TPO: variants seen among roughly 807,000 people sequenced by gnomAD.
TPO encodes thyroid microsomal antigen.
A neutral mutation model predicts 96.9 loss-of-function variants in TPO; 78 were observed. That is an observed-to-expected ratio of 0.81 (90% CI 0.67 to 0.97). TPO has a LOEUF of 0.97. Ranked by LOEUF, TPO falls within the 50% of genes least tolerant of loss-of-function variation. The probability of loss-of-function intolerance (pLI) is 0.00; values close to 1 mark genes in which losing one functional copy is unlikely to be tolerated. For synonymous variants in TPO, 547 were observed against 538.0 expected (o/e 1.02, Z -0.23); for missense variants, 1,252 against 1,274.8 (o/e 0.98, Z 0.27).
At chr2:1,410,075 G>A (rs916545266), upstream of TPO, among the ~76,000 whole-genome samples, 2 of 152,098 alleles carry the variant, frequency 1.3e-5, no homozygotes, top group South Asian at 4.1e-4. Flanking sequence ...CTAATGTATA[G>A]CTTGATGACT....
intron 7 of TPO, among the ~76,000 whole-genome samples, chr2:1,462,373 A>G (rs1159067362): frequency 6.6e-6 from 1 of 152,192 alleles, no homozygotes; most frequent in Non-Finnish European, 1.5e-5. Flanking sequence ...GGACGACTTG[A>G]AAATATGGAA....
chr2:1,518,197 A>C (rs2125082517), intron 15 of TPO, among the ~76,000 whole-genome samples: 1 of 152,298 alleles, frequency 6.6e-6, no homozygotes, highest in Non-Finnish European at 1.5e-5. Context: ...CTTCCCAATA[A>C]TAGAAACTCA....
At chr2:1,536,895 C>T (rs1573653877) in intron 15 of TPO, among the ~76,000 whole-genome samples, 1 of 137,874 alleles carries the variant, frequency 7.3e-6, no homozygotes, top group Non-Finnish European at 1.5e-5. Context: ...GTGCAACCTC[C>T]CCAAATCCCA....
chr2:1,433,743 C>CAT, intron 4 of TPO, 136 bp downstream of exon 4: 1 of 1,002,114 alleles, frequency 1.0e-6, no homozygotes, highest in Non-Finnish European at 1.5e-6. Context: ...TCTTTCAAAG[C>CAT]ATACAAGCTG....
chr2:1,442,177 C>T (rs1003149246), intron 5 of TPO, among the ~76,000 whole-genome samples: 3 of 152,164 alleles, frequency 2.0e-5, no homozygotes, highest in African/African-American at 7.2e-5. Context: ...TCTTCTCAGA[C>T]TCAGGTATGT....
chr2:1,526,559 C>T (rs1676550784), intron 15 of TPO, among the ~76,000 whole-genome samples: 1 of 144,722 alleles, frequency 6.9e-6, no homozygotes, highest in South Asian at 2.3e-4. Flanking sequence ...TCACTGTGTG[C>T]AACCTTCTCA....
intron 15 of TPO, among the ~76,000 whole-genome samples, chr2:1,517,565 C>A (rs1008383577): frequency 7.3e-5 from 11 of 150,058 alleles, no homozygotes; most frequent in Non-Finnish European, 1.0e-4. Flanking sequence ...CTTGCTGCTG[C>A]CTCTCACCTT....
chr2:1,415,271 C>T (rs1163677854), intron 2 of TPO, among the ~76,000 whole-genome samples: 6 of 128,066 alleles, frequency 4.7e-5, no homozygotes, highest in East Asian at 2.5e-4. Context: ...GGACACAGTC[C>T]CGGGGCCCCT....
At chr2:1,541,182 G>A in intron 16 of TPO, 1 of 1,173,646 alleles carries the variant, frequency 8.5e-7, no homozygotes, top group Non-Finnish European at 1.1e-6. Context: ...ACTTGTGTAA[G>A]TCTGACTTTT....
At chr2:1,498,652 G>C (rs3772075) in intron 13 of TPO, among the ~76,000 whole-genome samples, 44,840 of 152,132 alleles carry the variant, frequency 0.29, 6,720 homozygotes, top group Admixed American at 0.34. Context: ...CAGTGCCCCA[G>C]AGAACAGCAG....
chr2:1,487,560 C>T (rs1671285834), intron 9 of TPO, among the ~76,000 whole-genome samples: 2 of 152,160 alleles, frequency 1.3e-5, no homozygotes, highest in Admixed American at 6.5e-5. Flanking sequence ...CGGTGAAACC[C>T]CATCTCTACT....
intron 1 of TPO, among the ~76,000 whole-genome samples, chr2:1,384,822 C>T (rs1006772607): frequency 6.6e-6 from 1 of 152,128 alleles, no homozygotes. Context: ...AGTTTTTGCC[C>T]ATTCAGTATG....
chr2:1,455,434 C>T (rs10205420), intron 6 of TPO, among the ~76,000 whole-genome samples: 141,346 of 152,144 alleles, frequency 0.93, 65,733 homozygotes, highest in South Asian at 0.98. Context: ...CCAAATCTCA[C>T]CACATAAATC....
chr2:1,390,333 C>A (rs1046677198), intron 1 of TPO, among the ~76,000 whole-genome samples: 2 of 152,184 alleles, frequency 1.3e-5, no homozygotes, highest in African/African-American at 4.8e-5. Context: ...CATGTCCCTG[C>A]AAAGGACATG....
intron 15 of TPO, among the ~76,000 whole-genome samples, chr2:1,523,127 TCCGCCCCACCCTGTGCATCCTCCCAAAA>T (rs1675548524): frequency 7.8e-6 from 1 of 128,530 alleles, no homozygotes; most frequent in South Asian, 2.7e-4. Flanking sequence ...CCTCCCCAAA[TCCGCCCCACCCTGTGCATCCTCCCAAAA>T]TCCCCCACAC....
intron 3 of TPO, 142 bp downstream of exon 3, chr2:1,423,271 T>C: frequency 1.3e-6 from 1 of 763,858 alleles, no homozygotes; most frequent in Admixed American, 2.0e-5. Context: ...CCCAGTGTCA[T>C]GTGCAAGCAG....
At chr2:1,498,738 T>C (rs999644898) in intron 13 of TPO, among the ~76,000 whole-genome samples, 1 of 152,192 alleles carries the variant, frequency 6.6e-6, no homozygotes, top group African/African-American at 2.4e-5. Flanking sequence ...GGTGATGACA[T>C]CTGTGTAAAC....
At position 1,456,245 on chromosome 2, in the gene TPO, T is replaced by G; in HGVS notation, c.782T>G (p.Met261Arg). The stretch of plus-strand genomic sequence containing the variant: ...TTCGGGGGAGGGGCTGACTGCCAGA[T>G]GACTTGTGAGAACCAAAACCCATGT... ...AAFGGGADCQMTCENQNPCFP... is the reference protein window; with the variant it reads ...AAFGGGADCQRTCENQNPCFP... The change falls in exon 7 of 17, where the codon ATG becomes AGG. Residue 261 changes from methionine (M) to arginine (R), a missense_variant. Transcript: ENST00000329066. 6.2e-7 allele frequency: 1 copy of G among 1,614,144 alleles called. No homozygotes were observed. The highest frequency in any genetic ancestry group is 8.5e-7 in the Non-Finnish European group (1 of 1,180,030).
chr2:1,503,823 C>G (rs1215843911), intron 13 of TPO, 125 bp from the exon 14 acceptor site: 2 of 1,569,076 alleles, frequency 1.3e-6, no homozygotes, highest in African/African-American at 1.4e-5. Flanking sequence ...CCCCCTAGAC[C>G]AGGTGGGATG....
Sources: gnomAD v4.1 joint callset for allele counts (sites outside exome capture counted in the v4.1 genomes callset) on GRCh38, gnomAD v4.1.1 for gene constraint, MANE v1.5 for transcripts, NCBI Gene and HGNC (gene_info 2026-07-23, HGNC 2026-07-21) for gene names.